TSPAN7: variants seen among roughly 807,000 people sequenced by gnomAD.
TSPAN7 encodes tetraspanin-7.
A neutral mutation model predicts 17.6 loss-of-function variants in TSPAN7; 1 was observed. The observed-to-expected ratio is 0.06, with a 90% CI of 0.02 to 0.27. The LOEUF (loss-of-function observed/expected upper bound fraction) is 0.27. Among genes scored for constraint, TSPAN7 ranks in the 10% least tolerant of loss-of-function variants. The probability of loss-of-function intolerance (pLI) is 1.00; values close to 1 mark genes in which losing one functional copy is unlikely to be tolerated. For missense variants in TSPAN7, 112 were observed against 201.7 expected (o/e 0.56, Z 2.69); for synonymous variants, 78 against 79.0 (o/e 0.99, Z 0.07).
At chrX:38,632,848 A>C (rs761030374) in intron 1 of TSPAN7, among the ~76,000 whole-genome samples, 1 of 112,271 alleles carries the variant, frequency 8.9e-6, no homozygotes. Context: ...GAAGAAAGAT[A>C]ATCTGTAGGA....
chrX:38,684,211 G>T (rs1172631399), intron 6 of TSPAN7, among the ~76,000 whole-genome samples: 1 of 112,174 alleles, frequency 8.9e-6, no homozygotes, highest in African/African-American at 3.2e-5. Flanking sequence ...AATAGACTGG[G>T]CAAGAACTTT....
At chrX:38,587,873 A>G (rs769301104) in intron 1 of TSPAN7, among the ~76,000 whole-genome samples, 5 of 111,905 alleles carry the variant, frequency 4.5e-5, no homozygotes, top group African/African-American at 9.7e-5. Flanking sequence ...GAAGGGAAAA[A>G]CAGAATATAT....
At chrX:38,665,959 G>T (rs1229417439) in intron 1 of TSPAN7, 162 bp from the exon 2 acceptor site, 2 of 487,140 alleles carry the variant, frequency 4.1e-6, no homozygotes, top group East Asian at 7.3e-5. Context: ...TCTTTATGAT[G>T]ATTTTAGTTA....
intron 1 of TSPAN7, among the ~76,000 whole-genome samples, chrX:38,567,182 T>G (rs1177147343): frequency 8.9e-6 from 1 of 112,108 alleles, no homozygotes; most frequent in African/African-American, 3.2e-5. Context: ...TAAAGAGTGT[T>G]TGAATTTGGG....
In TSPAN7 at chrX:38,591,875, G is replaced by A. The variant is rs755489051; in HGVS notation, c.81+30248G>A. ...ATAGTGTTAGTATGTGTATTAATCTGTTATCGCACTGCTATAAAGAACTAC... is the reference window on the plus strand; with the variant it reads ...ATAGTGTTAGTATGTGTATTAATCTATTATCGCACTGCTATAAAGAACTAC... On this transcript the variant is annotated intron_variant, in intron 1 of 7. Transcript: ENST00000378482. Among the ~76,000 whole-genome samples, 4 of 112,109 alleles carry A rather than the reference G, an allele frequency of 3.6e-5. No homozygotes were observed. The South Asian group carries it at 1.5e-3, about 42-fold the overall frequency.
intron 1 of TSPAN7, among the ~76,000 whole-genome samples, chrX:38,569,917 G>A (rs968723608): frequency 1.8e-5 from 2 of 111,507 alleles, no homozygotes; most frequent in African/African-American, 3.3e-5. Flanking sequence ...AGCAATAGTC[G>A]GGCTATTCTA....
intron 1 of TSPAN7, among the ~76,000 whole-genome samples, chrX:38,659,007 C>T (rs1269158648): frequency 5.3e-5 from 2 of 37,726 alleles, no homozygotes; most frequent in African/African-American, 7.9e-5. Flanking sequence ...TCCATACACA[C>T]ACACACACAC....
chrX:38,570,322 A>C (rs1477148640), intron 1 of TSPAN7, among the ~76,000 whole-genome samples: 2 of 111,862 alleles, frequency 1.8e-5, no homozygotes, highest in African/African-American at 6.5e-5. Context: ...TTATCAACTT[A>C]ATTTACTATA....
At chrX:38,664,310 A>G (rs1031422498) in intron 1 of TSPAN7, among the ~76,000 whole-genome samples, 2 of 111,941 alleles carry the variant, frequency 1.8e-5, no homozygotes, top group Non-Finnish European at 3.8e-5. Flanking sequence ...AGGCATTAGT[A>G]AAAGATGGCA....
At chrX:38,565,283 G>A (rs2069136132) in intron 1 of TSPAN7, among the ~76,000 whole-genome samples, 1 of 112,125 alleles carries the variant, frequency 8.9e-6, no homozygotes, top group Non-Finnish European at 1.9e-5. Flanking sequence ...AGGCTGGAGT[G>A]CAGTGGTGTG....
intron 1 of TSPAN7, among the ~76,000 whole-genome samples, chrX:38,625,282 A>G (rs2069515801): frequency 9.1e-6 from 1 of 109,498 alleles, no homozygotes; most frequent in African/African-American, 3.3e-5. Flanking sequence ...TGAATTTAAA[A>G]CCCCTTTTCT....
At chrX:38,665,865 T>C (rs995402335) in intron 1 of TSPAN7, among the ~76,000 whole-genome samples, 4 of 112,102 alleles carry the variant, frequency 3.6e-5, no homozygotes, top group African/African-American at 1.3e-4. Flanking sequence ...AAGTTCTTTA[T>C]TGTTGGCTTG....
At chrX:38,595,098 A>AT (rs915583811) in intron 1 of TSPAN7, among the ~76,000 whole-genome samples, 5 of 111,153 alleles carry the variant, frequency 4.5e-5, no homozygotes, top group South Asian at 3.8e-4. Context: ...GTACATATGT[A>AT]TTTTTTTATT....
At chrX:38,622,124 A>G (rs955054167) in intron 1 of TSPAN7, among the ~76,000 whole-genome samples, 1 of 112,581 alleles carries the variant, frequency 8.9e-6, no homozygotes, top group South Asian at 3.7e-4. Flanking sequence ...CAGACCCCAC[A>G]GTATATTGGT....
intron 1 of TSPAN7, among the ~76,000 whole-genome samples, chrX:38,574,736 G>A (rs1288537782): frequency 1.8e-5 from 2 of 110,926 alleles, no homozygotes; most frequent in African/African-American, 6.6e-5. Context: ...TTACGTAGAA[G>A]AAAAAATACC....
In TSPAN7 at chrX:38,668,055, G is replaced by GA. The variant is rs2069794224; in HGVS notation, c.270+1752dup. Among the ~76,000 whole-genome samples, 4 of 111,995 alleles carry GA rather than the reference G, an allele frequency of 3.6e-5. No homozygotes were observed. The East Asian group carries it at 1.1e-3, about 31-fold the overall frequency. On this transcript the variant is annotated intron_variant, in intron 2 of 7. Coordinates refer to ENST00000378482, the MANE Select transcript of TSPAN7 (RefSeq NM_004615.4). ...GAATTAACTTCAAAAGCAGAGAAAAGAAAAAATTCTAAAAAACCATCCATT... is the reference window on the plus strand; with the variant it reads ...GAATTAACTTCAAAAGCAGAGAAAAGAAAAAAATTCTAAAAAACCATCCATT...
intron 1 of TSPAN7, among the ~76,000 whole-genome samples, chrX:38,565,409 T>C (rs368549871): frequency 9.0e-6 from 1 of 111,440 alleles, no homozygotes; most frequent in Non-Finnish European, 1.9e-5. Context: ...TTTGTATTTT[T>C]AGTAGAGACG....
At chrX:38,658,998 CCATACA>C (rs1247577344) in intron 1 of TSPAN7, among the ~76,000 whole-genome samples, 6 of 49,613 alleles carry the variant, frequency 1.2e-4, no homozygotes, top group South Asian at 3.7e-3. Context: ...GTATTATCTT[CCATACA>C]CACACACACA....
At chrX:38,610,590 T>C (rs1206663552) in intron 1 of TSPAN7, among the ~76,000 whole-genome samples, 3 of 111,360 alleles carry the variant, frequency 2.7e-5, no homozygotes, top group Non-Finnish European at 3.8e-5. Context: ...ACCAGTAGTT[T>C]TTAAAGCTCC....
Sources: allele counts gnomAD v4.1 joint callset (sites outside exome capture counted in the v4.1 genomes callset), GRCh38; gene constraint gnomAD v4.1.1; transcripts MANE v1.5; gene names NCBI Gene and HGNC (gene_info 2026-07-23, HGNC 2026-07-21).